NAT1: variants seen among roughly 807,000 people sequenced by gnomAD.
NAT1 encodes the protein N-acetyltransferase 1.
For missense variants in NAT1, 400 were observed against 339.2 expected (o/e 1.18, Z -1.41); for synonymous variants, 144 against 122.6 (o/e 1.17, Z -1.16).
chr8:18,215,102 G>T (rs555987730), intron 1 of NAT1, among the ~76,000 whole-genome samples: 1 of 152,116 alleles, frequency 6.6e-6, no homozygotes, highest in Admixed American at 6.5e-5. Flanking sequence ...TGGGCATTTA[G>T]GTTGATTCTG....
chr8:18,200,429 C>T (rs1209912608), intron 2 of NAT1, among the ~76,000 whole-genome samples: 1 of 152,158 alleles, frequency 6.6e-6, no homozygotes, highest in African/African-American at 2.4e-5. Flanking sequence ...CAAACTAACA[C>T]AGGAACAGAA....
At chr8:18,181,944 T>C (rs1248039518) in intron 2 of NAT1, among the ~76,000 whole-genome samples, 3 of 152,288 alleles carry the variant, frequency 2.0e-5, no homozygotes, top group Non-Finnish European at 4.4e-5. Context: ...GTGGGGGCTC[T>C]GCCTGTGCTG....
chr8:18,202,761 C>T (rs1415602642), intron 2 of NAT1, among the ~76,000 whole-genome samples: 1 of 152,034 alleles, frequency 6.6e-6, no homozygotes, highest in Non-Finnish European at 1.5e-5. Context: ...GTAGTGAGGA[C>T]CCAAAGAGTG....
intron 2 of NAT1, among the ~76,000 whole-genome samples, chr8:18,204,300 A>G (rs1012943848): frequency 6.6e-6 from 1 of 152,188 alleles, no homozygotes; most frequent in Non-Finnish European, 1.5e-5. Context: ...ACGCCAGGGT[A>G]TATACCCCAG....
intron 2 of NAT1, among the ~76,000 whole-genome samples, chr8:18,179,869 G>C (rs1185270878): frequency 6.6e-6 from 1 of 152,164 alleles, no homozygotes; most frequent in Non-Finnish European, 1.5e-5. Context: ...GTTTCTGCCT[G>C]CCTCTAATGA....
At chr8:18,203,066 G>C (rs1803545695) in intron 2 of NAT1, among the ~76,000 whole-genome samples, 1 of 152,100 alleles carries the variant, frequency 6.6e-6, no homozygotes, top group Admixed American at 6.5e-5. Flanking sequence ...CAATCCTTTA[G>C]CTAGACACAA....
chr8:18,223,118 A>G lies in NAT1; in HGVS notation c.*198A>G, dbSNP rs189975159. 9.3e-5 allele frequency: 20 copies of G among 214,904 alleles called. No homozygotes were observed. In the East Asian group the frequency reaches 2.2e-3, roughly 23 times the overall value. 13.3% of individuals were successfully genotyped at this position (214,904 alleles called of 1,614,324 possible). On this transcript the variant is annotated 3_prime_UTR_variant, in exon 3 of 3. Transcript: ENST00000307719. The stretch of plus-strand genomic sequence containing the variant: ...ATAACCACAAACCTTTTCAAATAAT[A>G]ATAATAATAATAATAAAAAATGTAT...
At chr8:18,190,278 T>C (rs1283971339) in intron 2 of NAT1, among the ~76,000 whole-genome samples, 1 of 152,216 alleles carries the variant, frequency 6.6e-6, no homozygotes, top group African/African-American at 2.4e-5. Flanking sequence ...ACTTTTTCTG[T>C]TCACTCCTGT....
intron 2 of NAT1, among the ~76,000 whole-genome samples, chr8:18,191,341 C>A (rs1802981735): frequency 6.6e-6 from 1 of 152,064 alleles, no homozygotes; most frequent in South Asian, 2.1e-4. Flanking sequence ...TTAATAAAAC[C>A]TCTGAAGTTT....
chr8:18,186,704 CT>C (rs1361758869), intron 2 of NAT1, among the ~76,000 whole-genome samples: 8 of 151,846 alleles, frequency 5.3e-5, no homozygotes, highest in Non-Finnish European at 1.2e-4. Context: ...GAAGTTTTTC[CT>C]GTCTTATCAT....
At chr8:18,190,190 C>T (rs947483701) in intron 2 of NAT1, among the ~76,000 whole-genome samples, 1 of 152,192 alleles carries the variant, frequency 6.6e-6, no homozygotes, top group Non-Finnish European at 1.5e-5. Context: ...ATACATAGAA[C>T]AAAATGGAGA....
chr8:18,197,132 G>A (rs1803267341), intron 2 of NAT1, among the ~76,000 whole-genome samples: 1 of 152,086 alleles, frequency 6.6e-6, no homozygotes, highest in Admixed American at 6.6e-5. Context: ...AGAACAGCAT[G>A]GGGAAACCAC....
chr8:18,183,238 C>T (rs1802593101), intron 2 of NAT1, among the ~76,000 whole-genome samples: 1 of 152,124 alleles, frequency 6.6e-6, no homozygotes, highest in African/African-American at 2.4e-5. Context: ...AGTGCTCTGC[C>T]ATCATGATGT....
chr8:18,185,018 T>C, intron 2 of NAT1, among the ~76,000 whole-genome samples: 1 of 152,166 alleles, frequency 6.6e-6, no homozygotes, highest in East Asian at 1.9e-4. Context: ...ATCTAAACAT[T>C]GGTTAAACAA....
chr8:18,183,801 G>T (rs1030268698), intron 2 of NAT1, among the ~76,000 whole-genome samples: 25 of 152,158 alleles, frequency 1.6e-4, no homozygotes, highest in Non-Finnish European at 3.5e-4. Flanking sequence ...GGGGTAGCAG[G>T]TTTCAAGTCC....
chr8:18,180,847 C>T (rs765652043), intron 2 of NAT1, among the ~76,000 whole-genome samples: 27 of 152,074 alleles, frequency 1.8e-4, no homozygotes, highest in Non-Finnish European at 3.7e-4. Flanking sequence ...ATTCTTTGTT[C>T]TGCTCCATTA....
intron 2 of NAT1, among the ~76,000 whole-genome samples, chr8:18,180,446 T>A (rs1250588118): frequency 6.6e-6 from 1 of 152,166 alleles, no homozygotes; most frequent in African/African-American, 2.4e-5. Context: ...ATTGAGCACC[T>A]GCTCTGCTCC....
upstream of NAT1, among the ~76,000 whole-genome samples, chr8:18,206,355 C>T (rs1428649440): frequency 6.6e-6 from 1 of 152,158 alleles, no homozygotes; most frequent in Non-Finnish European, 1.5e-5. Context: ...AGGAGTATAC[C>T]AGTCATCTCG....
intron 1 of NAT1, among the ~76,000 whole-genome samples, chr8:18,212,994 T>G (rs1804253711): frequency 6.7e-6 from 1 of 149,670 alleles, no homozygotes; most frequent in East Asian, 2.0e-4. Flanking sequence ...AACCTCCACC[T>G]CCCGGGTTCA....
Sources: allele counts gnomAD v4.1 joint callset (sites outside exome capture counted in the v4.1 genomes callset), GRCh38; gene constraint gnomAD v4.1.1; transcripts MANE v1.5; gene names NCBI Gene and HGNC (gene_info 2026-07-23, HGNC 2026-07-21).